The following SCG3 variants were observed in gnomAD, a reference collection of about 807,000 sequenced individuals.
SCG3 encodes secretogranin-3.
Under a neutral mutation model 56.2 loss-of-function variants are expected in SCG3, and 38 were observed. That is an observed-to-expected ratio of 0.68 (90% CI 0.52 to 0.89). The LOEUF (loss-of-function observed/expected upper bound fraction) is 0.89. SCG3 is among the 40% of genes least tolerant of loss of function. The pLI, the probability that SCG3 is intolerant of heterozygous loss-of-function variation, is 0.00. For synonymous variants in SCG3, 176 were observed against 184.2 expected, an observed-to-expected ratio of 0.96 and a Z score of 0.36; for missense variants, 524 against 540.7, an observed-to-expected ratio of 0.97 and a Z score of 0.31.
At chr15:51,682,312 A>G (rs992892080) in intron 1 of SCG3, among the ~76,000 whole-genome samples, 1 of 152,146 alleles carries the variant, frequency 6.6e-6, no homozygotes, top group Non-Finnish European at 1.5e-5. Flanking sequence ...AGCTCAAGAA[A>G]TACACCAAGA....
At chr15:51,710,090 G>C (rs949101230) in intron 10 of SCG3, among the ~76,000 whole-genome samples, 4 of 151,380 alleles carry the variant, frequency 2.6e-5, no homozygotes, top group Non-Finnish European at 5.9e-5. Context: ...ATGCTGACTG[G>C]GCAATCTTCT....
At position 51,689,079 on chromosome 15, in the gene SCG3, G is replaced by A. The variant is rs2305715; in HGVS notation, c.541-140G>A. 9,737 of 889,448 alleles carry A rather than the reference G, an allele frequency of 0.011. 383 individuals are homozygous for A. In the East Asian group the frequency reaches 0.11, roughly 10 times the overall value. The allele number at this position is 889,448 out of a possible 1,614,324, so 55.1% of individuals were successfully genotyped here. On this transcript the variant is annotated intron_variant, in intron 5 of 11. Coordinates refer to ENST00000220478, the MANE Select transcript of SCG3 (RefSeq NM_013243.4). ...ATAACAGCCAGCATGTGGTGCAGGC[G>A]TAAGTGAGGGCTGTCTGAAAGATGG...
intron 6 of SCG3, 44 bp downstream of exon 6, chr15:51,689,412 T>TGTGTGC (rs1467165313): frequency 6.6e-7 from 1 of 1,518,828 alleles, no homozygotes; most frequent in African/African-American, 1.4e-5. Flanking sequence ...TGTGTGTGTG[T>TGTGTGC]GTGTGTGTGT....
At chr15:51,718,239 T>A (rs960203038) in intron 11 of SCG3, among the ~76,000 whole-genome samples, 1 of 134,046 alleles carries the variant, frequency 7.5e-6, no homozygotes, top group African/African-American at 2.9e-5. Flanking sequence ...GACAGACAGA[T>A]GTCATAGGGT....
intron 8 of SCG3, 76 bp downstream of exon 8, chr15:51,696,067 A>G: frequency 1.2e-6 from 1 of 819,394 alleles, no homozygotes; most frequent in South Asian, 1.5e-5. Flanking sequence ...GGCAATAATG[A>G]CCTCATTAAT....
intron 10 of SCG3, among the ~76,000 whole-genome samples, chr15:51,707,650 G>T (rs1338802136): frequency 6.6e-6 from 1 of 152,188 alleles, no homozygotes; most frequent in Non-Finnish European, 1.5e-5. Context: ...TGGCCAAAGT[G>T]GTGGAGCTGG....
At chr15:51,695,800 G>T in intron 7 of SCG3, 75 bp from the exon 8 acceptor site, 1 of 804,038 alleles carries the variant, frequency 1.2e-6, no homozygotes, top group Non-Finnish European at 2.1e-6. Flanking sequence ...ACAAAAAGAT[G>T]CTGTACTTTA....
Position 51,681,759 on chromosome 15 carries a change from G to C in SCG3, c.4G>C (p.Gly2Arg), listed in dbSNP as rs775982011. M[G>R]FLGTGTWILV... is the part of the protein sequence containing the mutation. ...GACCCAAGCCGAGCGTGGAAGAATG[G>C]GGTTCCTCGGGACCGGCACTTGGAT... Residue 2 changes from glycine to arginine, a missense_variant, in exon 1 of 12, where the codon GGG (glycine) becomes CGG (arginine). Physicochemically the swap from Gly to Arg is moderately radical, Grantham distance 125 (BLOSUM62 -2). Transcript: ENST00000220478. The C allele has an allele frequency of 6.2e-7, 1 of 1,613,826 alleles. No individual in the cohort carries two copies. Among genetic ancestry groups the C allele is most frequent in the Non-Finnish European group, 8.5e-7 (1 of 1,179,806 alleles).
chr15:51,692,604 G>A (rs756598074), intron 7 of SCG3, among the ~76,000 whole-genome samples: 10 of 152,150 alleles, frequency 6.6e-5, no homozygotes, highest in African/African-American at 1.4e-4. Flanking sequence ...AATACTGAAC[G>A]TGTGCTATGT....
At chr15:51,695,120 C>CT (rs1428903591) in intron 7 of SCG3, among the ~76,000 whole-genome samples, 2 of 151,942 alleles carry the variant, frequency 1.3e-5, no homozygotes, top group Non-Finnish European at 2.9e-5. Flanking sequence ...GAGAATATTA[C>CT]TTTCCATTTT....
chr15:51,698,504 C>T (rs578067367), intron 8 of SCG3, among the ~76,000 whole-genome samples: 73 of 152,320 alleles, frequency 4.8e-4, no homozygotes, highest in African/African-American at 1.7e-3. Flanking sequence ...AACAGTAGGA[C>T]TGGCTTCCTT....
chr15:51,717,580 T>C (rs550687058), intron 11 of SCG3, among the ~76,000 whole-genome samples: 4 of 149,998 alleles, frequency 2.7e-5, no homozygotes, highest in Admixed American at 6.6e-5. Context: ...TTCAGAGAAA[T>C]GCATTTACTG....
chr15:51,697,132 C>CTGTGTGTGTGTGTGTGTG (rs3078107), intron 8 of SCG3, among the ~76,000 whole-genome samples: 160 of 146,020 alleles, frequency 1.1e-3, no homozygotes, highest in Non-Finnish European at 1.5e-3. Flanking sequence ...AGATGTTATT[C>CTGTGTGTGTGTGTGTGTG]TGTGTGTGTG....
chr15:51,700,849 T>TG (rs2055334795), intron 9 of SCG3, among the ~76,000 whole-genome samples: 1 of 16,926 alleles, frequency 5.9e-5, no homozygotes, highest in Admixed American at 9.2e-4. Flanking sequence ...AAAGCTGGGG[T>TG]GGGGTGGGGT....
At chr15:51,711,020 T>C (rs754955615) in intron 10 of SCG3, among the ~76,000 whole-genome samples, 6 of 152,232 alleles carry the variant, frequency 3.9e-5, no homozygotes, top group Admixed American at 1.3e-4. Context: ...GGTAGGTACA[T>C]GAGCAGGAAG....
At chr15:51,691,017 C>T (rs777952201) in intron 6 of SCG3, among the ~76,000 whole-genome samples, 4 of 152,122 alleles carry the variant, frequency 2.6e-5, no homozygotes, top group African/African-American at 7.2e-5. Context: ...AGGAAAGAAA[C>T]ATGGTTCTAT....
intron 4 of SCG3, 90 bp downstream of exon 4, chr15:51,683,524 C>A: frequency 1.2e-6 from 1 of 815,222 alleles, no homozygotes; most frequent in Non-Finnish European, 1.9e-6. Context: ...ATCTTTTAAA[C>A]ATTCATAATC....
At chr15:51,701,725 G>GA (rs1194109127) in intron 10 of SCG3, among the ~76,000 whole-genome samples, 1 of 152,162 alleles carries the variant, frequency 6.6e-6, no homozygotes, top group African/African-American at 2.4e-5. Flanking sequence ...GGGCAACATG[G>GA]AAAAACCTCA....
At chr15:51,714,784 T>C (rs1679015215) in intron 11 of SCG3, among the ~76,000 whole-genome samples, 1 of 152,210 alleles carries the variant, frequency 6.6e-6, no homozygotes, top group South Asian at 2.1e-4. Context: ...TCTTCTAAGT[T>C]GAGTGATGAT....
Sources: allele counts gnomAD v4.1 joint callset (sites outside exome capture counted in the v4.1 genomes callset), GRCh38; gene constraint gnomAD v4.1.1; transcripts MANE v1.5; gene names NCBI Gene and HGNC (gene_info 2026-07-23, HGNC 2026-07-21).